Variants in EYA2 observed in about 807,000 individuals in gnomAD.
EYA2 encodes EYA transcriptional coactivator and phosphatase 2, also known as protein phosphatase EYA2.
EYA2 carries 31 observed loss-of-function variants against 69.2 expected under a neutral mutation model. That is an observed-to-expected ratio of 0.45 (90% confidence interval 0.34 to 0.60). EYA2 has a LOEUF of 0.60. EYA2 is among the 20% of genes least tolerant of loss of function. The probability of loss-of-function intolerance (pLI) is 0.02; values close to 1 mark genes in which losing one functional copy is unlikely to be tolerated. For synonymous variants in EYA2, 257 were observed against 279.4 expected (o/e 0.92, Z 0.80); for missense variants, 622 against 701.2 (o/e 0.89, Z 1.28).
At chr20:47,144,364 AAAAG>A (rs1270864777) in intron 10 of EYA2, among the ~76,000 whole-genome samples, 6 of 152,220 alleles carry the variant, frequency 3.9e-5, no homozygotes, top group Non-Finnish European at 5.9e-5. Flanking sequence ...AAAAAAAAAA[AAAAG>A]AAAGAAAAAG....
intron 1 of EYA2, among the ~76,000 whole-genome samples, chr20:46,905,485 A>C (rs1411412137): frequency 6.6e-6 from 1 of 152,204 alleles, no homozygotes; most frequent in Non-Finnish European, 1.5e-5. Context: ...CCCACATTCC[A>C]TTGAGAACCA....
intron 5 of EYA2, among the ~76,000 whole-genome samples, chr20:47,060,121 T>A (rs960266739): frequency 6.6e-6 from 1 of 152,150 alleles, no homozygotes; most frequent in Non-Finnish European, 1.5e-5. Context: ...GGGGCAGAGG[T>A]TGGCTGGAGC....
intron 1 of EYA2, among the ~76,000 whole-genome samples, chr20:46,922,960 A>T (rs1985245849): frequency 6.6e-6 from 1 of 152,206 alleles, no homozygotes; most frequent in African/African-American, 2.4e-5. Flanking sequence ...CATGACCCGA[A>T]TCTAATAAGA....
intron 1 of EYA2, among the ~76,000 whole-genome samples, chr20:46,908,208 T>C (rs1254709076): frequency 6.6e-6 from 1 of 152,232 alleles, no homozygotes; most frequent in Admixed American, 6.5e-5. Context: ...GTCTCCTTCC[T>C]TGTGGAGCCA....
chr20:47,120,424 A>G (rs2033015472), intron 9 of EYA2, among the ~76,000 whole-genome samples: 1 of 152,194 alleles, frequency 6.6e-6, no homozygotes, highest in African/African-American at 2.4e-5. Flanking sequence ...TAAATTTTTT[A>G]AAAAGAAAGA....
In EYA2 at chr20:47,005,007, A is replaced by G. The variant is rs201467478; in HGVS notation, c.221A>G (p.Tyr74Cys). The stretch of plus-strand genomic sequence containing the variant: ...ATGGCAGCCTACGGCCAGACGCAGT[A>G]CAGTGCGGGGATCCAGCAGGCTACC... ...TAMAAYGQTQ[Y>C]SAGIQQATPY... Residue 74 changes from tyrosine to cysteine, a missense_variant, in exon 4 of 16, where the codon TAC (tyrosine) becomes TGC (cysteine). Tyr to Cys is a radical substitution (Grantham distance 194). Coordinates refer to ENST00000327619, the MANE Select transcript of EYA2 (RefSeq NM_005244.5). The G allele has an allele frequency of 5.3e-5, 86 of 1,614,086 alleles. 1 individual carries two copies. The East Asian group carries it at 1.7e-3, about 31-fold the overall frequency.
At chr20:47,147,427 T>C (rs1310540101) in intron 10 of EYA2, among the ~76,000 whole-genome samples, 1 of 152,140 alleles carries the variant, frequency 6.6e-6, no homozygotes, top group African/African-American at 2.4e-5. Context: ...GTGAAGAGTG[T>C]TCCAGATAGA....
At chr20:47,012,140 T>G (rs1600638055) in intron 4 of EYA2, among the ~76,000 whole-genome samples, 2 of 152,340 alleles carry the variant, frequency 1.3e-5, no homozygotes, top group East Asian at 3.9e-4. Flanking sequence ...GAATGAATGC[T>G]TATTGGCTGT....
chr20:47,107,538 A>G (rs1402582806), intron 9 of EYA2, among the ~76,000 whole-genome samples: 4 of 148,890 alleles, frequency 2.7e-5, no homozygotes, highest in East Asian at 2.0e-4. Flanking sequence ...AAAAAAAAAA[A>G]AAAGAAAGAA....
chr20:47,018,715 G>A (rs1460550969), intron 5 of EYA2, among the ~76,000 whole-genome samples: 2 of 152,236 alleles, frequency 1.3e-5, no homozygotes, highest in Non-Finnish European at 2.9e-5. Context: ...AGGATATGCA[G>A]AATAATATTC....
chr20:47,188,015 C>T (rs766502931), intron 15 of EYA2, 38 bp from the exon 16 acceptor site: 50 of 1,550,422 alleles, frequency 3.2e-5, no homozygotes, highest in South Asian at 4.8e-5. Flanking sequence ...GGGGCAGGGG[C>T]GGGGCCATAA....
At chr20:46,916,541 A>G (rs761350377) in intron 1 of EYA2, among the ~76,000 whole-genome samples, 42 of 152,178 alleles carry the variant, frequency 2.8e-4, no homozygotes, top group Non-Finnish European at 5.9e-4. Context: ...TGCACCAAGT[A>G]GAATTGGACA....
chr20:46,978,492 C>T, intron 1 of EYA2: 1 of 500,498 alleles, frequency 2.0e-6, no homozygotes, highest in Non-Finnish European at 4.1e-6. Flanking sequence ...GGCCCTGTGG[C>T]AAGAGGGAGT....
chr20:47,082,211 T>TAA, intron 7 of EYA2, among the ~76,000 whole-genome samples: 1 of 152,282 alleles, frequency 6.6e-6, no homozygotes, highest in South Asian at 2.1e-4. Flanking sequence ...GAACTCACTT[T>TAA]AACCCAGACA....
intron 9 of EYA2, among the ~76,000 whole-genome samples, chr20:47,132,979 A>G (rs2033378995): frequency 6.6e-6 from 1 of 152,212 alleles, no homozygotes; most frequent in Admixed American, 6.5e-5. Context: ...CTATGCCGCA[A>G]ACACCCGTTT....
At chr20:46,903,649 C>T (rs1317394095) in intron 1 of EYA2, among the ~76,000 whole-genome samples, 2 of 152,128 alleles carry the variant, frequency 1.3e-5, no homozygotes, top group Admixed American at 6.5e-5. Flanking sequence ...GTCTGTAAAG[C>T]AGGGTGAATA....
At chr20:47,031,321 A>T (rs931038722) in intron 5 of EYA2, among the ~76,000 whole-genome samples, 1 of 152,140 alleles carries the variant, frequency 6.6e-6, no homozygotes, top group African/African-American at 2.4e-5. Flanking sequence ...GCCGGTGCTC[A>T]GGCACCGGGA....
chr20:47,071,012 AATT>A (rs1183605968), intron 5 of EYA2, among the ~76,000 whole-genome samples: 1 of 148,248 alleles, frequency 6.7e-6, no homozygotes, highest in Non-Finnish European at 1.5e-5. Context: ...CCACACCTGG[AATT>A]TTTTTTTTTC....
At chr20:46,998,268 C>T (rs1228058555) in intron 2 of EYA2, 2 of 152,374 alleles carry the variant, frequency 1.3e-5, no homozygotes, top group African/African-American at 4.8e-5. Flanking sequence ...GTGATGCGGG[C>T]ACCTGGGGGG....
Sources: gnomAD v4.1 joint callset for allele counts (sites outside exome capture counted in the v4.1 genomes callset) on GRCh38, gnomAD v4.1.1 for gene constraint, MANE v1.5 for transcripts, NCBI Gene and HGNC (gene_info 2026-07-23, HGNC 2026-07-21) for gene names.